RNF149: variants seen among roughly 807,000 people sequenced by gnomAD.
The protein encoded by RNF149 is E3 ubiquitin-protein ligase RNF149.
Under a neutral mutation model 39.0 loss-of-function variants are expected in RNF149, and 21 were observed. The ratio of observed to expected loss-of-function variants is 0.54; its 90% confidence interval spans 0.38 to 0.77. RNF149 has a LOEUF of 0.77. RNF149 is among the 30% of genes least tolerant of loss of function. The pLI is 0.00. For synonymous variants in RNF149, 209 were observed against 213.6 expected, an observed-to-expected ratio of 0.98 and a Z score of 0.19; for missense variants, 493 against 534.9, an observed-to-expected ratio of 0.92 and a Z score of 0.77.
intron 3 of RNF149, among the ~76,000 whole-genome samples, chr2:101,289,769 T>C (rs1328302110): frequency 1.3e-5 from 2 of 151,194 alleles, no homozygotes; most frequent in African/African-American, 4.9e-5. Context: ...CTCGAACTCC[T>C]GGACTCAAGC....
At chr2:101,283,821 G>A (rs947766247) in intron 5 of RNF149, among the ~76,000 whole-genome samples, 1 of 152,086 alleles carries the variant, frequency 6.6e-6, no homozygotes, top group Admixed American at 6.5e-5. Context: ...AACTCATGAG[G>A]ATTAAAGTCC....
chr2:101,279,071 C>T (rs539725959), intron 6 of RNF149, among the ~76,000 whole-genome samples: 24 of 152,110 alleles, frequency 1.6e-4, no homozygotes, highest in Non-Finnish European at 2.4e-4. Context: ...CAATTTATGT[C>T]GTTACCGTTA....
intron 2 of RNF149, 139 bp from the exon 3 acceptor site, chr2:101,294,221 A>G (rs1382764127): frequency 1.8e-6 from 1 of 543,956 alleles, no homozygotes; most frequent in Non-Finnish European, 3.3e-6. Flanking sequence ...CTATACTGAA[A>G]ATAACTTTTA....
downstream of RNF149, among the ~76,000 whole-genome samples, chr2:101,272,107 T>C (rs1383176864): frequency 6.6e-6 from 1 of 152,236 alleles, no homozygotes; most frequent in Non-Finnish European, 1.5e-5. Flanking sequence ...GATATTTTAC[T>C]GATTTCACTT....
intron 3 of RNF149, among the ~76,000 whole-genome samples, chr2:101,293,436 C>T (rs1315471221): frequency 6.6e-6 from 1 of 152,206 alleles, no homozygotes; most frequent in Non-Finnish European, 1.5e-5. Context: ...GGCATCTATC[C>T]TCCAAGAATC....
chr2:101,303,316 G>A lies in RNF149; in HGVS notation c.460+4813C>T, dbSNP rs189079878. 5.3e-4 allele frequency among the ~76,000 whole-genome samples: 81 copies of A among 151,570 alleles called. No individual in the cohort carries two copies. In the Middle Eastern group the frequency reaches 0.014, roughly 25 times the overall value. Reference sequence around the variant, plus strand: ...TTTTTTTGTATTTTTAGTAGAGACGGGGTTTTTGCCATGTTGGCCAGGCCA... The same window carrying A: ...TTTTTTTGTATTTTTAGTAGAGACGAGGTTTTTGCCATGTTGGCCAGGCCA... On this transcript the variant is annotated intron_variant, in intron 1 of 6. Transcript: ENST00000295317.
intron 6 of RNF149, among the ~76,000 whole-genome samples, chr2:101,281,251 T>C (rs1195162886): frequency 2.0e-5 from 3 of 152,106 alleles, no homozygotes; most frequent in African/African-American, 7.2e-5. Context: ...AAATTATCTA[T>C]TTATCAACAT....
intron 3 of RNF149, among the ~76,000 whole-genome samples, chr2:101,290,193 A>G (rs1354898586): frequency 6.6e-6 from 1 of 152,202 alleles, no homozygotes; most frequent in Non-Finnish European, 1.5e-5. Flanking sequence ...AACAAAACAA[A>G]AAAAGGAACT....
rs766562275 is a variant in RNF149, at chr2:101,277,203, A to G, written c.*35T>C. Reference sequence around the variant, plus strand: ...ATAAAATGTCCTTTAGTTCAAGCCAAACTTCTGTTGGTGCCACTTCAGTGG... The same window carrying G: ...ATAAAATGTCCTTTAGTTCAAGCCAGACTTCTGTTGGTGCCACTTCAGTGG... On this transcript the variant is annotated 3_prime_UTR_variant, in exon 7 of 7. Coordinates refer to ENST00000295317, the MANE Select transcript of RNF149 (RefSeq NM_173647.4). 9 of 1,612,406 alleles carry G rather than the reference A, an allele frequency of 5.6e-6. No individual in the cohort carries two copies.
In RNF149 at chr2:101,276,001, T is replaced by A; in HGVS notation, c.*1237A>T. 1.1e-6 allele frequency: 1 copy of A among 920,894 alleles called. No individual in the cohort carries two copies. Among genetic ancestry groups the A allele is most frequent in the African/African-American group, 1.8e-5 (1 of 55,912 alleles). The allele number at this position is 920,894 out of a possible 1,614,324, so 57.0% of individuals were successfully genotyped here. ...ACTATTTCATGATGAGTAGCTAGAA[T>A]TAAAGCATTAAGTAGCTTGAGAAAA... On this transcript the variant is annotated 3_prime_UTR_variant, in exon 7 of 7. Transcript: ENST00000295317.
At chr2:101,297,291 A>T (rs76840046) in intron 1 of RNF149, among the ~76,000 whole-genome samples, 2,660 of 152,342 alleles carry the variant, frequency 0.017, 72 homozygotes, top group African/African-American at 0.06. Context: ...ATTTCCTATA[A>T]GAGTAATAGA....
intron 1 of RNF149, among the ~76,000 whole-genome samples, chr2:101,304,241 A>G (rs1558796570): frequency 1.3e-5 from 2 of 152,090 alleles, no homozygotes; most frequent in Non-Finnish European, 2.9e-5. Flanking sequence ...TACAAAAAAT[A>G]CAAAAATTAG....
chr2:101,275,438 T>TA, downstream of RNF149, among the ~76,000 whole-genome samples: 1 of 80,702 alleles, frequency 1.2e-5, no homozygotes, highest in Admixed American at 1.4e-4. Context: ...TTTCTTTTTT[T>TA]TTTTTTTTTT....
At chr2:101,298,148 T>C (rs1412460561) in intron 1 of RNF149, among the ~76,000 whole-genome samples, 1 of 152,182 alleles carries the variant, frequency 6.6e-6, no homozygotes, top group Non-Finnish European at 1.5e-5. Context: ...GATTTACTGT[T>C]GGCCAGGCAC....
In RNF149 at chr2:101,308,491, C is replaced by CGGCCCCG. The variant is rs773698449; in HGVS notation, c.91_97dup (p.Arg33ProfsTer110). On this transcript the variant is annotated frameshift_variant, in exon 1 of 7. Coordinates refer to ENST00000295317, the MANE Select transcript of RNF149 (RefSeq NM_173647.4). LOFTEE classifies it high-confidence loss of function. The stretch of plus-strand genomic sequence containing the variant: ...CACGGCCGAGAACCACTCGAGAGCC[C>CGGCCCCG]GGCCCCGGGCCCCGGGCACGCACAG... 9.3e-6 allele frequency: 15 copies of CGGCCCCG among 1,610,704 alleles called. No individual in the cohort carries two copies. The highest frequency in any genetic ancestry group is 1.1e-5 in the South Asian group (1 of 90,926).
Position 101,294,055 on chromosome 2 carries a change from T to A in RNF149, c.739A>T (p.Ile247Phe). 6.3e-7 allele frequency: 1 copy of A among 1,583,598 alleles called. No individual in the cohort carries two copies. The highest frequency in any genetic ancestry group is 8.7e-7 in the Non-Finnish European group (1 of 1,153,554). The change falls in exon 3 of 7, where the codon ATT becomes TTT. Residue 247 changes from isoleucine (I) to phenylalanine (F), a missense_variant. Coordinates refer to ENST00000295317, the MANE Select transcript of RNF149 (RefSeq NM_173647.4). Reference sequence around the variant, plus strand: ...ACAGTATGAAGTAGAAGCTGGCCAATAACTTTCTTAGTTTCTTTTCTATGG... The same window carrying A: ...ACAGTATGAAGTAGAAGCTGGCCAAAAACTTTCTTAGTTTCTTTTCTATGG... The part of the protein sequence containing the change: ...QSHRKETKKV[I>F]GQLLLHTVKH...
At chr2:101,306,626 C>T (rs1402004636) in intron 1 of RNF149, among the ~76,000 whole-genome samples, 1 of 152,306 alleles carries the variant, frequency 6.6e-6, no homozygotes, top group Non-Finnish European at 1.5e-5. Context: ...TCGCAGATCA[C>T]TCCCACACAA....
At chr2:101,304,909 C>T (rs921160233) in intron 1 of RNF149, among the ~76,000 whole-genome samples, 3 of 147,450 alleles carry the variant, frequency 2.0e-5, no homozygotes, top group Non-Finnish European at 4.4e-5. Context: ...GGCACAATCT[C>T]GGCTTACTGC....
At chr2:101,283,654 T>C (rs1484518828) in intron 5 of RNF149, among the ~76,000 whole-genome samples, 1 of 152,194 alleles carries the variant, frequency 6.6e-6, no homozygotes, top group Non-Finnish European at 1.5e-5. Context: ...GATGTTACTA[T>C]AGGTTCTGTT....
Sources: allele counts gnomAD v4.1 joint callset (sites outside exome capture counted in the v4.1 genomes callset), GRCh38; gene constraint gnomAD v4.1.1; transcripts MANE v1.5; gene names NCBI Gene and HGNC (gene_info 2026-07-23, HGNC 2026-07-21).